ANKIB1: variants seen among roughly 807,000 people sequenced by gnomAD.
The protein encoded by ANKIB1 is ankyrin repeat and IBR domain containing 1.
ANKIB1 carries 43 observed loss-of-function variants against 122.1 expected under a neutral mutation model. The ratio of observed to expected loss-of-function variants is 0.35; its 90% CI spans 0.28 to 0.45. The LOEUF is 0.45. ANKIB1 is among the 20% of genes least tolerant of loss of function. The pLI, the probability that ANKIB1 is intolerant of heterozygous loss-of-function variation, is 1.00. For missense variants in ANKIB1, 992 were observed against 1,329.5 expected (o/e 0.75, Z 3.95); for synonymous variants, 390 against 442.0 (o/e 0.88, Z 1.48).
intron 1 of ANKIB1, among the ~76,000 whole-genome samples, chr7:92,257,059 G>A (rs1055714903): frequency 6.6e-6 from 1 of 152,000 alleles, no homozygotes; most frequent in Non-Finnish European, 1.5e-5. Flanking sequence ...GCATGGTGGT[G>A]CGTGCCTGTA....
At chr7:92,364,725 A>G (rs972403838) in intron 10 of ANKIB1, among the ~76,000 whole-genome samples, 1 of 152,214 alleles carries the variant, frequency 6.6e-6, no homozygotes, top group African/African-American at 2.4e-5. Flanking sequence ...CTCCTAATAG[A>G]ATAAGCCATA....
chr7:92,327,176 T>C (rs1207041982), intron 4 of ANKIB1, among the ~76,000 whole-genome samples: 1 of 152,254 alleles, frequency 6.6e-6, no homozygotes, highest in Non-Finnish European at 1.5e-5. Flanking sequence ...TAAGATAAGA[T>C]GGTCTTGCCA....
At chr7:92,345,140 C>T in intron 7 of ANKIB1, 74 bp downstream of exon 7, 1 of 1,126,350 alleles carries the variant, frequency 8.9e-7, no homozygotes, top group East Asian at 2.5e-5. Context: ...TGTTTGCTTT[C>T]AGTATTTAAT....
At chr7:92,291,491 G>T (rs1342321335) in intron 1 of ANKIB1, among the ~76,000 whole-genome samples, 1 of 151,102 alleles carries the variant, frequency 6.6e-6, no homozygotes, top group East Asian at 1.9e-4. Context: ...AGTTATAAAG[G>T]CATTCACAAT....
intron 11 of ANKIB1, among the ~76,000 whole-genome samples, chr7:92,379,367 A>AG (rs1212822775): frequency 1.3e-5 from 2 of 152,134 alleles, no homozygotes; most frequent in Non-Finnish European, 2.9e-5. Flanking sequence ...ACTCCAGCCT[A>AG]GGTGACAGAG....
intron 3 of ANKIB1, among the ~76,000 whole-genome samples, chr7:92,310,728 G>T (rs556843631): frequency 1.3e-5 from 2 of 152,086 alleles, no homozygotes; most frequent in South Asian, 2.1e-4. Context: ...TCTAGATTGC[G>T]TATAATACCT....
chr7:92,255,412 G>C (rs116270312), intron 1 of ANKIB1, among the ~76,000 whole-genome samples: 1 of 152,182 alleles, frequency 6.6e-6, no homozygotes, highest in Non-Finnish European at 1.5e-5. Context: ...TGGTATAGTG[G>C]TTCCACAGTG....
intron 10 of ANKIB1, among the ~76,000 whole-genome samples, chr7:92,362,863 G>A (rs1803982675): frequency 2.6e-5 from 4 of 152,092 alleles, no homozygotes; most frequent in Admixed American, 1.3e-4. Flanking sequence ...AATGACACAG[G>A]GCATGTGCCT....
At position 92,245,985 on chromosome 7, in the gene ANKIB1, C is replaced by G. The variant is rs1380073891; in HGVS notation, c.-625C>G. 8.5e-6 allele frequency: 2 copies of G among 234,214 alleles called. No homozygotes were observed. The highest frequency in any genetic ancestry group is 1.7e-5 in the Non-Finnish European group (2 of 118,942). 14.5% of individuals were successfully genotyped at this position (234,214 alleles called of 1,614,324 possible). On this transcript the variant is annotated 5_prime_UTR_variant, in exon 1 of 20. Transcript: ENST00000265742. ...GTGAAAGAGCTTCCGGGTCGGCGGC[C>G]GGGCTGCTGCCGTTCCTGCTCCTTT...
intron 3 of ANKIB1, among the ~76,000 whole-genome samples, chr7:92,311,493 A>C (rs1213609053): frequency 6.6e-6 from 1 of 152,118 alleles, no homozygotes. Context: ...CCCATTGTTA[A>C]GGCCAGCCTG....
rs1229910170 is a variant in ANKIB1, at chr7:92,344,598, A to AT, written c.997-376dup. ...ATACAAAGTTACTCTGTTTTCATAG[A>AT]TTTTGAAGGGTAGGTGTAATGTGAA... On this transcript the variant is annotated intron_variant, in intron 6 of 19. Coordinates refer to ENST00000265742, the MANE Select transcript of ANKIB1 (RefSeq NM_019004.2). Among the ~76,000 whole-genome samples the AT allele has an allele frequency of 2.6e-5, 4 of 152,198 alleles. No individual in the cohort carries two copies. The East Asian group carries it at 7.7e-4, about 29-fold the overall frequency.
rs117613526 is a variant in ANKIB1 at position 92,372,818 on chromosome 7, T to G, written c.1617+1211T>G. On this transcript the variant is annotated intron_variant, in intron 11 of 19. Transcript: ENST00000265742. ...TAAAATTATAATGATATTCTGATTT[T>G]TTTTGCTTTATCATTAGAAATGTCA... Among the ~76,000 whole-genome samples, 1,091 of 152,256 alleles carry G rather than the reference T, an allele frequency of 7.2e-3. 9 individuals carry two copies. The highest frequency in any genetic ancestry group is 0.012 in the Non-Finnish European group (832 of 67,990).
At chr7:92,346,789 T>C (rs1159984666) in intron 7 of ANKIB1, among the ~76,000 whole-genome samples, 2 of 152,224 alleles carry the variant, frequency 1.3e-5, no homozygotes, top group Non-Finnish European at 2.9e-5. Flanking sequence ...TTGAATTTTT[T>C]TGAGCTTCAT....
In ANKIB1 at chr7:92,386,594, A is replaced by G; in HGVS notation, c.1703A>G (p.Tyr568Cys). 1.2e-6 allele frequency: 2 copies of G among 1,605,534 alleles called. No homozygotes were observed. The highest frequency in any genetic ancestry group is 1.7e-6 in the Non-Finnish European group (2 of 1,176,232). The change falls in exon 12 of 20, where the codon TAT becomes TGT. Residue 568 changes from tyrosine to cysteine, a missense_variant. Around this residue, in one of 4 missense-constraint regions of ANKIB1, gnomAD observed 521 missense variants for 777.7 expected, o/e 0.67. Coordinates refer to ENST00000265742, the MANE Select transcript of ANKIB1 (RefSeq NM_019004.2). ...STGGYYRCTR[Y>C]EVIQHVEEQS... ...GGAGGTTATTACAGATGTACTCGCT[A>G]TGAAGTCATTCAACACGTGGAGGAG...
At chr7:92,342,144 T>A (rs1197123200) in intron 5 of ANKIB1, among the ~76,000 whole-genome samples, 1 of 152,170 alleles carries the variant, frequency 6.6e-6, no homozygotes, top group African/African-American at 2.4e-5. Flanking sequence ...TAATTTACCC[T>A]TTAGTCTTCT....
At chr7:92,381,536 G>A (rs188198325) in intron 11 of ANKIB1, among the ~76,000 whole-genome samples, 82 of 152,286 alleles carry the variant, frequency 5.4e-4, no homozygotes, top group African/African-American at 6.7e-4. Flanking sequence ...GACTAACAGC[G>A]GATCTCTTGG....
chr7:92,274,163 A>T (rs1374826970), intron 1 of ANKIB1, among the ~76,000 whole-genome samples: 2 of 152,152 alleles, frequency 1.3e-5, no homozygotes, highest in East Asian at 3.8e-4. Flanking sequence ...ATTATTATTT[A>T]TTCCTAAAAT....
intron 19 of ANKIB1, 141 bp from the exon 20 acceptor site, chr7:92,398,071 C>T: frequency 2.8e-6 from 3 of 1,088,064 alleles, no homozygotes; most frequent in Non-Finnish European, 3.7e-6. Context: ...GAGAAAAATA[C>T]AAGATTTTAG....
chr7:92,298,811 TC>T (rs1802406341), intron 2 of ANKIB1, among the ~76,000 whole-genome samples: 1 of 147,796 alleles, frequency 6.8e-6, no homozygotes, highest in African/African-American at 2.5e-5. Context: ...AAAAAAATCC[TC>T]GATTAAAGCA....
Sources: allele counts gnomAD v4.1 joint callset (sites outside exome capture counted in the v4.1 genomes callset), GRCh38; gene constraint gnomAD v4.1.1; regional missense constraint gnomAD v4.1.1; transcripts MANE v1.5; gene names NCBI Gene and HGNC (gene_info 2026-07-23, HGNC 2026-07-21).